GALNTL6: variants seen among roughly 807,000 people sequenced by gnomAD.
GALNTL6 encodes polypeptide N-acetylgalactosaminyltransferase-like 6.
Under a neutral mutation model 73.7 loss-of-function variants are expected in GALNTL6, and 46 were observed. That is an observed-to-expected ratio of 0.62 (90% CI 0.49 to 0.80). The LOEUF (loss-of-function observed/expected upper bound fraction) is 0.80. Among genes scored for constraint, GALNTL6 ranks in the 30% least tolerant of loss-of-function variants. The probability of loss-of-function intolerance (pLI) is 0.00; values close to 1 mark genes in which losing one functional copy is unlikely to be tolerated. For missense variants in GALNTL6, 604 were observed against 755.0 expected (o/e 0.80, Z 2.34); for synonymous variants, 259 against 263.7 (o/e 0.98, Z 0.17).
At chr4:172,163,402 A>T (rs1011466908) in intron 2 of GALNTL6, among the ~76,000 whole-genome samples, 9 of 152,074 alleles carry the variant, frequency 5.9e-5, no homozygotes, top group African/African-American at 2.2e-4. Flanking sequence ...ATAACTCTGT[A>T]AATCAAAGTT....
At chr4:172,762,190 C>A (rs529144781) in intron 5 of GALNTL6, among the ~76,000 whole-genome samples, 2 of 152,244 alleles carry the variant, frequency 1.3e-5, no homozygotes, top group South Asian at 2.1e-4. Context: ...TTTTTAATAG[C>A]CTGCAAAAGC....
intron 2 of GALNTL6, among the ~76,000 whole-genome samples, chr4:171,881,761 G>T (rs758777911): frequency 6.6e-6 from 1 of 152,088 alleles, no homozygotes; most frequent in Non-Finnish European, 1.5e-5. Context: ...ACTTAGTAGT[G>T]GTCTCTTCTT....
intron 2 of GALNTL6, among the ~76,000 whole-genome samples, chr4:172,170,025 C>T (rs1307875201): frequency 6.6e-6 from 1 of 152,154 alleles, no homozygotes; most frequent in African/African-American, 2.4e-5. Flanking sequence ...CTGTGAATGA[C>T]AAAGCAGGAC....
chr4:172,836,010 T>G (rs1465769163), intron 7 of GALNTL6, among the ~76,000 whole-genome samples: 1 of 152,088 alleles, frequency 6.6e-6, no homozygotes, highest in Non-Finnish European at 1.5e-5. Flanking sequence ...CTTTTGCAAC[T>G]CGGGGCCACT....
At chr4:172,600,974 A>G (rs1738032921) in intron 5 of GALNTL6, among the ~76,000 whole-genome samples, 1 of 152,142 alleles carries the variant, frequency 6.6e-6, no homozygotes, top group African/African-American at 2.4e-5. Context: ...CCCAAAAACA[A>G]AAACAAAAAA....
chr4:172,255,666 T>C (rs904375094), intron 3 of GALNTL6, among the ~76,000 whole-genome samples: 1 of 151,470 alleles, frequency 6.6e-6, no homozygotes, highest in African/African-American at 2.4e-5. Flanking sequence ...AGTGACTACG[T>C]TGAAAATATA....
chr4:173,037,434 C>T (rs1322160074), intron 12 of GALNTL6, among the ~76,000 whole-genome samples: 1 of 152,106 alleles, frequency 6.6e-6, no homozygotes, highest in African/African-American at 2.4e-5. Context: ...AGAAAACATT[C>T]TGGATGGTTC....
intron 2 of GALNTL6, among the ~76,000 whole-genome samples, chr4:172,096,002 A>G (rs1732341759): frequency 7.1e-6 from 1 of 141,232 alleles, no homozygotes; most frequent in Admixed American, 7.0e-5. Context: ...TCTCTTTTCT[A>G]TTAGTTAAAT....
At chr4:172,140,171 CT>C (rs1267168552) in intron 2 of GALNTL6, among the ~76,000 whole-genome samples, 3 of 152,002 alleles carry the variant, frequency 2.0e-5, no homozygotes, top group Admixed American at 6.6e-5. Flanking sequence ...CGTTACATTT[CT>C]TTATGCCCAA....
At chr4:172,567,160 G>T (rs1311222141) in intron 5 of GALNTL6, among the ~76,000 whole-genome samples, 1 of 151,790 alleles carries the variant, frequency 6.6e-6, no homozygotes, top group Admixed American at 6.6e-5. Context: ...AGCCTGAAAA[G>T]TTCATCTTCA....
rs17058382 is a variant in GALNTL6, at chr4:172,399,855, A to G, written c.553+51166A>G. 8.1e-3 allele frequency among the ~76,000 whole-genome samples: 1,240 copies of G among 152,226 alleles called. 11 individuals are homozygous for G. Among genetic ancestry groups the G allele is most frequent in the African/African-American group, 0.028 (1,169 of 41,550 alleles). On this transcript the variant is annotated intron_variant, in intron 5 of 12. Transcript: ENST00000506823. ...TTCTTTTTAAATTTTTTTGCCCTAA[A>G]TTTACTATTTGTTAAGATAGTTTTA...
intron 5 of GALNTL6, among the ~76,000 whole-genome samples, chr4:172,645,575 G>A (rs563268342): frequency 5.3e-5 from 8 of 151,698 alleles, no homozygotes; most frequent in Non-Finnish European, 8.8e-5. Flanking sequence ...GTTCCCTATA[G>A]GAGCAAAGAA....
Position 172,138,746 on chromosome 4 carries a change from G to T in GALNTL6, c.139-90910G>T, listed in dbSNP as rs528917870. ...GGGTTTCACCCTGTTAGCCAGGATG[G>T]TTTCGATCTCCTGACCTCATGATCT... On this transcript the variant is annotated intron_variant, in intron 2 of 12. Coordinates refer to ENST00000506823, the MANE Select transcript of GALNTL6 (RefSeq NM_001034845.3). 1.6e-3 allele frequency among the ~76,000 whole-genome samples: 242 copies of T among 150,138 alleles called. 1 individual carries two copies. The highest frequency in any genetic ancestry group is 5.4e-3 in the African/African-American group (221 of 40,894).
chr4:172,438,939 T>A (rs1430865341), intron 5 of GALNTL6, among the ~76,000 whole-genome samples: 1 of 152,088 alleles, frequency 6.6e-6, no homozygotes, highest in Non-Finnish European at 1.5e-5. Context: ...ATTCATCTAC[T>A]TCTTTTCTAT....
intron 5 of GALNTL6, among the ~76,000 whole-genome samples, chr4:172,450,225 A>AC (rs1055522354): frequency 3.3e-5 from 5 of 150,852 alleles, no homozygotes; most frequent in East Asian, 2.0e-4. Flanking sequence ...TAAAAAAAAA[A>AC]AAAAACAAAC....
intron 5 of GALNTL6, among the ~76,000 whole-genome samples, chr4:172,570,148 G>A (rs1736708352): frequency 6.6e-6 from 1 of 152,154 alleles, no homozygotes; most frequent in African/African-American, 2.4e-5. Context: ...TCTTGGACAA[G>A]CTCCATGTTC....
Position 172,812,286 on chromosome 4 carries a change from C to T in GALNTL6, c.740-1254C>T, listed in dbSNP as rs114929260. The stretch of plus-strand genomic sequence containing the variant: ...TACTGCAAGAACTTTATCCCCAACA[C>T]AAATTACATTTACTCCACAATCTCT... On this transcript the variant is annotated intron_variant, in intron 6 of 12. Transcript: ENST00000506823. 3.5e-3 allele frequency among the ~76,000 whole-genome samples: 539 copies of T among 152,308 alleles called. 1 individual carries two copies. Among genetic ancestry groups the T allele is most frequent in the Middle Eastern group, 0.014 (4 of 294 alleles).
At chr4:172,634,560 C>G (rs1266287967) in intron 5 of GALNTL6, among the ~76,000 whole-genome samples, 2 of 152,068 alleles carry the variant, frequency 1.3e-5, no homozygotes, top group African/African-American at 4.8e-5. Flanking sequence ...AACTTTTGAT[C>G]TCTGACATGC....
chr4:172,554,674 G>A (rs1249996431), intron 5 of GALNTL6, among the ~76,000 whole-genome samples: 2 of 152,138 alleles, frequency 1.3e-5, no homozygotes, highest in African/African-American at 4.8e-5. Flanking sequence ...CACTGTGTAA[G>A]TTCTTTTATT....
Sources: gnomAD v4.1 joint callset for allele counts (sites outside exome capture counted in the v4.1 genomes callset) on GRCh38, gnomAD v4.1.1 for gene constraint, MANE v1.5 for transcripts, NCBI Gene and HGNC (gene_info 2026-07-23, HGNC 2026-07-21) for gene names.